FAT3: variants seen among roughly 807,000 people sequenced by gnomAD.
FAT3 encodes the protein protocadherin Fat 3.
FAT3 carries 95 observed loss-of-function variants against 310.2 expected under a neutral mutation model. That is an observed-to-expected ratio of 0.31 (90% CI 0.26 to 0.36). The LOEUF is 0.36. Ranked by LOEUF, FAT3 falls within the 10% of genes least tolerant of loss-of-function variation. The pLI, the probability that FAT3 is intolerant of heterozygous loss-of-function variation, is 1.00. For missense variants in FAT3, 5,408 were observed against 5,715.6 expected (o/e 0.95, Z 1.74); for synonymous variants, 2,314 against 2,192.9 (o/e 1.06, Z -1.54).
At chr11:92,297,788 C>A (rs12360877) in intron 1 of FAT3, among the ~76,000 whole-genome samples, 3,306 of 152,242 alleles carry the variant, frequency 0.022, 130 homozygotes, top group African/African-American at 0.074. Context: ...CTCATCAATT[C>A]TGCTTCAGTG....
At chr11:92,388,496 C>A (rs1238788043) in intron 2 of FAT3, among the ~76,000 whole-genome samples, 3 of 152,086 alleles carry the variant, frequency 2.0e-5, no homozygotes, top group African/African-American at 4.8e-5. Context: ...TAATTTAATT[C>A]TTAATTGTTC....
At chr11:92,748,476 C>T (rs531738884) in intron 4 of FAT3, among the ~76,000 whole-genome samples, 1 of 152,056 alleles carries the variant, frequency 6.6e-6, no homozygotes, top group South Asian at 2.1e-4. Flanking sequence ...CTCCTTTCTT[C>T]TCCTTCCTTC....
At chr11:92,701,776 T>C (rs1944104342) in intron 4 of FAT3, among the ~76,000 whole-genome samples, 1 of 152,256 alleles carries the variant, frequency 6.6e-6, no homozygotes, top group Non-Finnish European at 1.5e-5. Context: ...ACTTTAGCTC[T>C]GATTACTTCA....
chr11:92,312,169 C>T (rs191965076), intron 1 of FAT3, among the ~76,000 whole-genome samples: 280 of 152,188 alleles, frequency 1.8e-3, no homozygotes, highest in African/African-American at 6.4e-3. Context: ...AAAGGACTCC[C>T]TTGTGGAGTG....
chr11:92,848,576 T>C (rs1024715445), intron 19 of FAT3, among the ~76,000 whole-genome samples: 2 of 152,246 alleles, frequency 1.3e-5, no homozygotes, highest in Admixed American at 1.3e-4. Context: ...ACTTGTCCAG[T>C]TGGATGGACT....
At chr11:92,266,422 G>A (rs2134321595) in intron 1 of FAT3, among the ~76,000 whole-genome samples, 2 of 152,300 alleles carry the variant, frequency 1.3e-5, no homozygotes, top group East Asian at 1.9e-4. Context: ...TGTCATTAGG[G>A]AGGCATATTG....
In FAT3 at chr11:92,834,992, A is replaced by G; in HGVS notation, c.9994A>G (p.Thr3332Ala). 6.2e-7 allele frequency: 1 copy of G among 1,613,680 alleles called. No individual in the cohort carries two copies. Among genetic ancestry groups the G allele is most frequent in the Non-Finnish European group, 8.5e-7 (1 of 1,179,778 alleles). Residue 3332 changes from threonine (T) to alanine (A), a missense_variant, in exon 15 of 28, where the codon ACA becomes GCA. Physicochemically the swap from Thr to Ala is moderately conservative, Grantham distance 58 (BLOSUM62 0). Transcript: ENST00000525166. ...SAVATVNINLTDVNDNPPKFS... is the reference protein window; with the variant it reads ...SAVATVNINLADVNDNPPKFS... The stretch of plus-strand genomic sequence containing the variant: ...TGTGGCCACTGTCAACATCAACCTC[A>G]CAGATGTTAATGACAACCCTCCCAA...
chr11:92,225,548 G>A (rs1237068656), intron 1 of FAT3, among the ~76,000 whole-genome samples: 1 of 152,110 alleles, frequency 6.6e-6, no homozygotes, highest in Admixed American at 6.5e-5. Flanking sequence ...AGAAGGTTCA[G>A]GTGGCGAGCC....
chr11:92,290,763 CA>C lies in FAT3; in HGVS notation c.-17-61323del, dbSNP rs575866831. Among the ~76,000 whole-genome samples the C allele has an allele frequency of 2.0e-3, 292 of 146,126 alleles. 3 individuals carry two copies. The highest frequency in any genetic ancestry group is 0.016 in the South Asian group (74 of 4,584). On this transcript the variant is annotated intron_variant, in intron 1 of 27. Coordinates refer to ENST00000525166, the MANE Select transcript of FAT3 (RefSeq NM_001367949.2). ...TGGGCGACAGAGTGAGACTCCATCTCAAAAAAAAAATAATAAATGAATAAAA... is the reference window on the plus strand; with the variant it reads ...TGGGCGACAGAGTGAGACTCCATCTCAAAAAAAAATAATAAATGAATAAAA...
chr11:92,364,357 C>T (rs531059089), intron 2 of FAT3, among the ~76,000 whole-genome samples: 12 of 152,200 alleles, frequency 7.9e-5, no homozygotes, highest in East Asian at 7.7e-4. Context: ...ACCAAAACTA[C>T]GAGATGATTG....
At chr11:92,559,564 T>C (rs1591448991) in intron 3 of FAT3, 1 of 249,358 alleles carries the variant, frequency 4.0e-6, no homozygotes, top group Non-Finnish European at 8.3e-6. Flanking sequence ...TTTTAAATAG[T>C]TGAGAGTCTC....
intron 2 of FAT3, among the ~76,000 whole-genome samples, chr11:92,463,066 A>G (rs1006530228): frequency 6.6e-6 from 1 of 152,216 alleles, no homozygotes; most frequent in Non-Finnish European, 1.5e-5. Context: ...TTGATGGTTT[A>G]TGGGGTGACA....
chr11:92,763,680 A>G (rs1384590934), intron 5 of FAT3, among the ~76,000 whole-genome samples: 3 of 152,156 alleles, frequency 2.0e-5, no homozygotes, highest in Non-Finnish European at 4.4e-5. Flanking sequence ...TTCTGGTGCA[A>G]TTAATGGTTC....
chr11:92,346,856 C>T (rs911885671), intron 1 of FAT3, among the ~76,000 whole-genome samples: 6 of 152,020 alleles, frequency 3.9e-5, no homozygotes, highest in Non-Finnish European at 8.8e-5. Flanking sequence ...TTTCCTTTAC[C>T]TTTGATGGGT....
intron 3 of FAT3, among the ~76,000 whole-genome samples, chr11:92,647,470 A>G (rs1328577460): frequency 1.3e-5 from 2 of 152,186 alleles, no homozygotes; most frequent in Non-Finnish European, 2.9e-5. Context: ...GAAAAACTCT[A>G]CATCAATATT....
intron 3 of FAT3, among the ~76,000 whole-genome samples, chr11:92,619,404 A>G (rs1321072643): frequency 6.6e-6 from 1 of 152,144 alleles, no homozygotes; most frequent in African/African-American, 2.4e-5. Flanking sequence ...CTTCTCCCCT[A>G]TATTTTGGAA....
chr11:92,307,400 G>A (rs1312439067), intron 1 of FAT3, among the ~76,000 whole-genome samples: 1 of 152,198 alleles, frequency 6.6e-6, no homozygotes, highest in Non-Finnish European at 1.5e-5. Context: ...AAAAGTAAAT[G>A]CAAATGGAAA....
chr11:92,675,878 T>C (rs954009124), intron 3 of FAT3, among the ~76,000 whole-genome samples: 7 of 152,088 alleles, frequency 4.6e-5, no homozygotes, highest in African/African-American at 1.7e-4. Context: ...GTTGATTGGG[T>C]AATTTTGGGT....
intron 25 of FAT3, 126 bp from the exon 26 acceptor site, chr11:92,889,063 G>C: frequency 1.9e-6 from 1 of 537,122 alleles, no homozygotes; most frequent in Non-Finnish European, 3.3e-6. Context: ...GGGAGGCTTT[G>C]GGTGTTTGCA....
Sources: allele counts gnomAD v4.1 joint callset (sites outside exome capture counted in the v4.1 genomes callset), GRCh38; gene constraint gnomAD v4.1.1; transcripts MANE v1.5; gene names NCBI Gene and HGNC (gene_info 2026-07-23, HGNC 2026-07-21).